ROBO2: variants seen among roughly 807,000 people sequenced by gnomAD.
ROBO2 encodes roundabout guidance receptor 2.
Under a neutral mutation model 160.8 loss-of-function variants are expected in ROBO2, and 53 were observed. That is an observed-to-expected ratio of 0.33 (90% CI 0.26 to 0.41). The LOEUF is 0.41. Ranked by LOEUF, ROBO2 falls within the 10% of genes least tolerant of loss-of-function variation. The probability of loss-of-function intolerance (pLI) is 1.00; values close to 1 mark genes in which losing one functional copy is unlikely to be tolerated. For missense variants in ROBO2, 1,577 were observed against 1,722.4 expected (o/e 0.92, Z 1.49); for synonymous variants, 664 against 611.7 (o/e 1.09, Z -1.26).
intron 2 of ROBO2, among the ~76,000 whole-genome samples, chr3:76,010,286 C>T (rs1428877980): frequency 6.6e-6 from 1 of 152,198 alleles, no homozygotes. Context: ...CCAGAATATA[C>T]GTTACTGCCT....
chr3:77,098,622 C>T (rs186486015), intron 2 of ROBO2, among the ~76,000 whole-genome samples: 3 of 151,668 alleles, frequency 2.0e-5, no homozygotes, highest in African/African-American at 7.3e-5. Context: ...CGGAGGCGGG[C>T]GGATCACGAG....
chr3:76,080,688 A>C (rs1176464943), intron 2 of ROBO2, among the ~76,000 whole-genome samples: 5 of 152,098 alleles, frequency 3.3e-5, no homozygotes, highest in African/African-American at 1.2e-4. Flanking sequence ...TATTTTCATC[A>C]TTTTCACTTA....
At chr3:77,329,877 T>C (rs1393108626) in intron 2 of ROBO2, among the ~76,000 whole-genome samples, 9 of 152,214 alleles carry the variant, frequency 5.9e-5, no homozygotes, top group Non-Finnish European at 2.9e-5. Context: ...GTATGCTTAC[T>C]GTATTTGGCA....
intron 2 of ROBO2, among the ~76,000 whole-genome samples, chr3:77,227,931 A>G (rs1310022815): frequency 6.6e-6 from 1 of 152,222 alleles, no homozygotes; most frequent in Non-Finnish European, 1.5e-5. Flanking sequence ...CTAAGTCCAC[A>G]TGTTGAAAAT....
intron 2 of ROBO2, among the ~76,000 whole-genome samples, chr3:76,737,742 T>A (rs1252671441): frequency 1.3e-5 from 2 of 152,154 alleles, no homozygotes; most frequent in Non-Finnish European, 2.9e-5. Flanking sequence ...TAGTGAAGGG[T>A]TGGCAGTCAG....
chr3:76,585,985 C>T (rs1318161396), intron 2 of ROBO2, among the ~76,000 whole-genome samples: 1 of 152,176 alleles, frequency 6.6e-6, no homozygotes, highest in Non-Finnish European at 1.5e-5. Flanking sequence ...GAGGCTCCCC[C>T]TAGTGTCCTT....
At chr3:76,363,929 T>C (rs1430303028) in intron 2 of ROBO2, among the ~76,000 whole-genome samples, 1 of 152,088 alleles carries the variant, frequency 6.6e-6, no homozygotes, top group Non-Finnish European at 1.5e-5. Context: ...CACTTAAACC[T>C]TGGTCACAGA....
At chr3:77,379,721 A>G (rs2073182805) in intron 2 of ROBO2, among the ~76,000 whole-genome samples, 1 of 151,964 alleles carries the variant, frequency 6.6e-6, no homozygotes, top group African/African-American at 2.4e-5. Flanking sequence ...CTGACCTGCT[A>G]CTTCACTTCA....
chr3:76,740,899 G>A (rs2093791472), intron 2 of ROBO2, among the ~76,000 whole-genome samples: 1 of 151,878 alleles, frequency 6.6e-6, no homozygotes, highest in East Asian at 1.9e-4. Context: ...ATTCTGTTTT[G>A]GGTGTTTATA....
chr3:76,540,159 G>A (rs62261579), intron 2 of ROBO2, among the ~76,000 whole-genome samples: 2,598 of 152,208 alleles, frequency 0.017, 34 homozygotes, highest in Middle Eastern at 0.048. Flanking sequence ...CCAGTGAAAT[G>A]TCAGGGACCT....
rs368878148 is a variant in ROBO2, at chr3:77,108,163, T to C, written c.388+9823T>C. Among the ~76,000 whole-genome samples the C allele has an allele frequency of 3.2e-4, 48 of 151,762 alleles. No individual in the cohort carries two copies. In the East Asian group the frequency reaches 8.7e-3, roughly 28 times the overall value. On this transcript the variant is annotated intron_variant, in intron 2 of 25. Coordinates refer to ENST00000461745, the Ensembl canonical transcript of ROBO2. ...ATATGTGTGTATCCATGTTTATATA[T>C]ACATATGTATACACATATGCATATA...
chr3:76,803,419 A>G, intron 2 of ROBO2, among the ~76,000 whole-genome samples: 1 of 76,526 alleles, frequency 1.3e-5, no homozygotes, highest in South Asian at 4.9e-4. Flanking sequence ...AAGGAGGAGG[A>G]GGATACAAAA....
intron 2 of ROBO2, among the ~76,000 whole-genome samples, chr3:76,568,148 T>A (rs1391233617): frequency 6.6e-6 from 1 of 151,778 alleles, no homozygotes; most frequent in Non-Finnish European, 1.5e-5. Flanking sequence ...ACAATAGGGG[T>A]GCCTGCATAG....
At chr3:77,033,675 T>C (rs1408459519) in intron 2 of ROBO2, among the ~76,000 whole-genome samples, 1 of 152,124 alleles carries the variant, frequency 6.6e-6, no homozygotes, top group Non-Finnish European at 1.5e-5. Flanking sequence ...AAGTCTAATA[T>C]TTGCTCAAAG....
At chr3:77,455,737 C>CT (rs11342818) in intron 2 of ROBO2, among the ~76,000 whole-genome samples, 6,276 of 146,116 alleles carry the variant, frequency 0.043, 182 homozygotes, top group Middle Eastern at 0.1. Context: ...GCCTTATACT[C>CT]TTTTTTTTTT....
intron 1 of ROBO2, among the ~76,000 whole-genome samples, chr3:77,052,385 T>A (rs1400780439): frequency 1.3e-5 from 2 of 152,156 alleles, no homozygotes; most frequent in Non-Finnish European, 2.9e-5. Flanking sequence ...ATAAAAGCCT[T>A]GAGAGTTATT....
At chr3:77,343,193 G>A (rs1042166596) in intron 2 of ROBO2, among the ~76,000 whole-genome samples, 12 of 152,032 alleles carry the variant, frequency 7.9e-5, no homozygotes, top group Admixed American at 7.2e-4. Context: ...TTGGGGGTTA[G>A]GGCTTTAACA....
chr3:76,406,731 T>G (rs2075208825), intron 2 of ROBO2, among the ~76,000 whole-genome samples: 1 of 151,938 alleles, frequency 6.6e-6, no homozygotes, highest in African/African-American at 2.4e-5. Flanking sequence ...CAAATTAAAT[T>G]TATGGTCCAA....
intron 2 of ROBO2, among the ~76,000 whole-genome samples, chr3:77,473,060 G>A (rs572293779): frequency 1.3e-5 from 2 of 152,074 alleles, no homozygotes; most frequent in Admixed American, 6.5e-5. Context: ...GAGGGGTTCC[G>A]AGCGTATCTC....
Sources: allele counts gnomAD v4.1 joint callset (sites outside exome capture counted in the v4.1 genomes callset), GRCh38; gene constraint gnomAD v4.1.1; transcripts MANE v1.5; gene names NCBI Gene and HGNC (gene_info 2026-07-23, HGNC 2026-07-21).